The following DNAL4 variants were observed in gnomAD, a reference collection of about 807,000 sequenced individuals.
DNAL4 encodes dynein light chain, outer arm 4.
A neutral mutation model predicts 12.6 loss-of-function variants in DNAL4; 10 were observed. The ratio of observed to expected loss-of-function variants is 0.79; its 90% confidence interval spans 0.49 to 1.34. DNAL4 has a LOEUF of 1.34. DNAL4 is among the 40% of genes most tolerant of loss of function. The probability of loss-of-function intolerance (pLI) is 0.00; values close to 1 mark genes in which losing one functional copy is unlikely to be tolerated. For missense variants in DNAL4, 128 were observed against 138.1 expected, an observed-to-expected ratio of 0.93 and a Z score of 0.37; for synonymous variants, 46 against 53.1, an observed-to-expected ratio of 0.87 and a Z score of 0.58.
chr22:38,787,128 G>A (rs924105026), intron 1 of DNAL4, among the ~76,000 whole-genome samples: 1 of 152,154 alleles, frequency 6.6e-6, no homozygotes, highest in Non-Finnish European at 1.5e-5. Context: ...GCATGTCATG[G>A]TGGTTCTGAG....
At position 38,778,959 on chromosome 22, in the gene DNAL4, C is replaced by T. The variant is rs1425766691; in HGVS notation, c.*490G>A. 6.5e-6 allele frequency: 1 copy of T among 152,718 alleles called. No homozygotes were observed. Among genetic ancestry groups the T allele is most frequent in the Non-Finnish European group, 1.5e-5 (1 of 68,416 alleles). 9.5% of individuals were successfully genotyped at this position (152,718 alleles called of 1,614,324 possible). On this transcript the variant is annotated 3_prime_UTR_variant, in exon 4 of 4. Coordinates refer to ENST00000216068, the MANE Select transcript of DNAL4 (RefSeq NM_005740.3). ...GGGTTTCTGAGGGGTCAGCACCTCCCCAGAGGACAAGGAGAGAAGCTGCCT... is the reference window on the plus strand; with the variant it reads ...GGGTTTCTGAGGGGTCAGCACCTCCTCAGAGGACAAGGAGAGAAGCTGCCT...
At position 38,780,922 on chromosome 22, in the gene DNAL4, A is replaced by G. The variant is rs2146163232; in HGVS notation, c.153+4T>C. 1 of 1,614,206 alleles carries G rather than the reference A, an allele frequency of 6.2e-7. No individual in the cohort carries two copies. Among genetic ancestry groups the G allele is most frequent in the South Asian group, 1.1e-5 (1 of 91,076 alleles). Reference sequence around the variant, plus strand: ...CGAGGGGCCGCCTGCACTGCTGGCAATACCTCGTTGTTGTTGGAGAATTTC... The same window carrying G: ...CGAGGGGCCGCCTGCACTGCTGGCAGTACCTCGTTGTTGTTGGAGAATTTC... On this transcript the variant is annotated splice_donor_region_variant and intron_variant, in intron 3 of 3. Transcript: ENST00000216068.
Position 38,779,518 on chromosome 22 carries a change from G to C in DNAL4, c.249C>G (p.His83Gln). ...IGEGFGFEIT[H>Q]EVKNLLYLYF... is the part of the protein sequence containing the mutation. ...ACAGGTAGAGGAGGTTCTTCACCTCGTGGGTGATCTCAAACCCAAAGCCCT... is the reference window on the plus strand; with the variant it reads ...ACAGGTAGAGGAGGTTCTTCACCTCCTGGGTGATCTCAAACCCAAAGCCCT... Residue 83 changes from histidine to glutamine, a missense_variant, in exon 4 of 4, where the codon CAC becomes CAG. His to Gln is a conservative substitution (Grantham distance 24). Coordinates refer to ENST00000216068, the MANE Select transcript of DNAL4 (RefSeq NM_005740.3). The surrounding 1 kb of genome is among the most constrained non-coding windows in gnomAD (Gnocchi z 4.3). The C allele has an allele frequency of 6.3e-7, 1 of 1,583,136 alleles. No individual in the cohort carries two copies. The highest frequency in any genetic ancestry group is 8.6e-7 in the Non-Finnish European group (1 of 1,163,822).
intron 1 of DNAL4, among the ~76,000 whole-genome samples, chr22:38,787,944 C>T (rs2093044878): frequency 6.6e-6 from 1 of 152,172 alleles, no homozygotes; most frequent in South Asian, 2.1e-4. Flanking sequence ...GATCGGAACC[C>T]CAATCCATCC....
intron 1 of DNAL4, among the ~76,000 whole-genome samples, chr22:38,784,792 C>G (rs113450679): frequency 6.6e-6 from 1 of 152,184 alleles, no homozygotes; most frequent in Non-Finnish European, 1.5e-5. Context: ...GGATTACAGG[C>G]GTGAGCTACC....
rs1291674623 is a variant in DNAL4, at chr22:38,780,936, T to C, written c.143A>G (p.Asn48Ser). ...LCVTACEKFS[N>S]NNESAAKMIK... ...CACTGCTGGCAATACCTCGTTGTTGTTGGAGAATTTCTCACAGGCTGTGAC... is the reference window on the plus strand; with the variant it reads ...CACTGCTGGCAATACCTCGTTGTTGCTGGAGAATTTCTCACAGGCTGTGAC... The change falls in exon 3 of 4, where the codon AAC becomes AGC. Residue 48 changes from asparagine (N) to serine (S), a missense_variant. Transcript: ENST00000216068. 1 of 1,614,196 alleles carries C rather than the reference T, an allele frequency of 6.2e-7. No homozygotes were observed. The highest frequency in any genetic ancestry group is 1.3e-5 in the African/African-American group (1 of 75,064).
intron 1 of DNAL4, among the ~76,000 whole-genome samples, chr22:38,791,980 C>T (rs1047582321): frequency 2.0e-5 from 3 of 151,928 alleles, no homozygotes; most frequent in Non-Finnish European, 2.9e-5. Context: ...GCTGGCATTA[C>T]AGGTGTGAGC....
chr22:38,780,852 G>A, intron 3 of DNAL4, 74 bp downstream of exon 3: 1 of 1,491,164 alleles, frequency 6.7e-7, no homozygotes, highest in East Asian at 2.3e-5. Context: ...GCCAACTGCA[G>A]GGAACAGGGG....
rs1180811374 is a variant in DNAL4, at chr22:38,779,838, G to T, written c.154-225C>A. On this transcript the variant is annotated intron_variant, in intron 3 of 3. Transcript: ENST00000216068. This position sits in a 1 kb window ranked among gnomAD's most constrained non-coding sequence, Gnocchi z 4.3. ...CTAGACATTACTCAGCAGTCAAGAAGAAACTGGCTGAGGCGGGAAGGCAAG... is the reference window on the plus strand; with the variant it reads ...CTAGACATTACTCAGCAGTCAAGAATAAACTGGCTGAGGCGGGAAGGCAAG... Among the ~76,000 whole-genome samples, 1 of 152,186 alleles carries T rather than the reference G, an allele frequency of 6.6e-6. No individual in the cohort carries two copies. The highest frequency in any genetic ancestry group is 1.5e-5 in the Non-Finnish European group (1 of 68,024).
At chr22:38,788,020 G>A (rs909420037) in intron 1 of DNAL4, among the ~76,000 whole-genome samples, 1 of 152,186 alleles carries the variant, frequency 6.6e-6, no homozygotes, top group Non-Finnish European at 1.5e-5. Context: ...CAGTAACACA[G>A]ATGACTTCGA....
At chr22:38,784,636 A>G (rs7293075) in intron 1 of DNAL4, among the ~76,000 whole-genome samples, 8,250 of 150,970 alleles carry the variant, frequency 0.055, 602 homozygotes, top group African/African-American at 0.17. Context: ...TCAGCCTCCC[A>G]AGTAGCTGGG....
At position 38,779,630 on chromosome 22, in the gene DNAL4, A is replaced by G. The variant is rs2093031224; in HGVS notation, c.154-17T>C. On this transcript the variant is annotated splice_polypyrimidine_tract_variant and intron_variant, in intron 3 of 3. Coordinates refer to ENST00000216068, the MANE Select transcript of DNAL4 (RefSeq NM_005740.3). The surrounding 1 kb of genome is among the most constrained non-coding windows in gnomAD (Gnocchi z 4.3). Reference sequence around the variant, plus strand: ...GGCGGCGCTCTGGAAGGAAGAGGGCACTTATCAAGGGGGCGCAGGGCAGGT... The same window carrying G: ...GGCGGCGCTCTGGAAGGAAGAGGGCGCTTATCAAGGGGGCGCAGGGCAGGT... The G allele has an allele frequency of 1.3e-6, 2 of 1,589,634 alleles. No homozygotes were observed. The highest frequency in any genetic ancestry group is 1.7e-6 in the Non-Finnish European group (2 of 1,166,448).
At chr22:38,789,615 C>T (rs931266563) in intron 1 of DNAL4, among the ~76,000 whole-genome samples, 1 of 152,118 alleles carries the variant, frequency 6.6e-6, no homozygotes, top group Non-Finnish European at 1.5e-5. Context: ...AATCATCAGA[C>T]AGTCCCTGCC....
At chr22:38,783,283 T>C (rs34541219) in intron 1 of DNAL4, among the ~76,000 whole-genome samples, 104,689 of 127,366 alleles carry the variant, frequency 0.82, 43,245 homozygotes, top group East Asian at 0.89. Flanking sequence ...TCCCACTACA[T>C]ACACGGGCCT....
intron 1 of DNAL4, among the ~76,000 whole-genome samples, chr22:38,784,369 C>T (rs761341109): frequency 2.6e-5 from 4 of 152,158 alleles, no homozygotes; most frequent in Non-Finnish European, 5.9e-5. Context: ...GCACTCCTGA[C>T]CCCTTGTTCA....
rs2093030568 is a variant in DNAL4 at position 38,779,316 on chromosome 22, A to T, written c.*133T>A. 8.2e-7 allele frequency: 1 copy of T among 1,219,730 alleles called. No individual in the cohort carries two copies. Among genetic ancestry groups the T allele is most frequent in the Non-Finnish European group, 1.1e-6 (1 of 905,656 alleles). 75.6% of individuals were successfully genotyped at this position (1,219,730 alleles called of 1,614,324 possible). A position where few individuals can be genotyped will look rare whatever the true frequency, so the allele number is the denominator to read the frequency against. ...GTTCACACACTGGGCGTGGCTCAGGAAACTGGTACACAAAGACAAAAAGAA... is the reference window on the plus strand; with the variant it reads ...GTTCACACACTGGGCGTGGCTCAGGTAACTGGTACACAAAGACAAAAAGAA... On this transcript the variant is annotated 3_prime_UTR_variant, in exon 4 of 4. Transcript: ENST00000216068. This position sits in a 1 kb window ranked among gnomAD's most constrained non-coding sequence, Gnocchi z 4.3.
chr22:38,785,091 G>C (rs2093040313), intron 1 of DNAL4, among the ~76,000 whole-genome samples: 1 of 151,482 alleles, frequency 6.6e-6, no homozygotes, highest in Non-Finnish European at 1.5e-5. Context: ...GTTTTTGTTT[G>C]TCTCTCTCTA....
chr22:38,779,299 A>G lies in DNAL4; in HGVS notation c.*150T>C, dbSNP rs2093030551. Reference sequence around the variant, plus strand: ...GGGGATGGAGATGTCAAGTTCACACACTGGGCGTGGCTCAGGAAACTGGTA... The same window carrying G: ...GGGGATGGAGATGTCAAGTTCACACGCTGGGCGTGGCTCAGGAAACTGGTA... On this transcript the variant is annotated 3_prime_UTR_variant, in exon 4 of 4. Coordinates refer to ENST00000216068, the MANE Select transcript of DNAL4 (RefSeq NM_005740.3). The surrounding 1 kb of genome is among the most constrained non-coding windows in gnomAD (Gnocchi z 4.3). 4.8e-6 allele frequency: 5 copies of G among 1,046,676 alleles called. No individual in the cohort carries two copies. In the Admixed American group the frequency reaches 1.5e-4, roughly 31 times the overall value. The allele number at this position is 1,046,676 out of a possible 1,614,324, so 64.8% of individuals were successfully genotyped here.
At chr22:38,784,653 G>A (rs2093039475) in intron 1 of DNAL4, among the ~76,000 whole-genome samples, 1 of 152,052 alleles carries the variant, frequency 6.6e-6, no homozygotes, top group Non-Finnish European at 1.5e-5. Context: ...TGGGACTACA[G>A]GCGCCCACCA....
Sources: allele counts gnomAD v4.1 joint callset (sites outside exome capture counted in the v4.1 genomes callset), GRCh38; gene constraint gnomAD v4.1.1; non-coding constraint Gnocchi (gnomAD v3.1); transcripts MANE v1.5; gene names NCBI Gene and HGNC (gene_info 2026-07-23, HGNC 2026-07-21).